ERBB4: variants seen among roughly 807,000 people sequenced by gnomAD.
ERBB4 encodes the protein erb-b2 receptor tyrosine kinase 4, also known as receptor tyrosine-protein kinase erbB-4.
A neutral mutation model predicts 158.0 loss-of-function variants in ERBB4; 42 were observed. The ratio of observed to expected loss-of-function variants is 0.27; its 90% CI spans 0.21 to 0.34. ERBB4 has a LOEUF of 0.34. Among genes scored for constraint, ERBB4 ranks in the 10% least tolerant of loss-of-function variants. The probability of loss-of-function intolerance (pLI) is 1.00; values close to 1 mark genes in which losing one functional copy is unlikely to be tolerated. For synonymous variants in ERBB4, 583 were observed against 558.7 expected, an observed-to-expected ratio of 1.04 and a Z score of -0.61; for missense variants, 1,333 against 1,624.1, an observed-to-expected ratio of 0.82 and a Z score of 3.08.
At chr2:212,159,746 AT>A (rs959089082) in intron 1 of ERBB4, among the ~76,000 whole-genome samples, 14 of 151,988 alleles carry the variant, frequency 9.2e-5, no homozygotes, top group African/African-American at 3.4e-4. Flanking sequence ...AATTAAAATC[AT>A]TTTACTAGTA....
At chr2:212,184,998 A>AT (rs2081974866) in intron 1 of ERBB4, among the ~76,000 whole-genome samples, 1 of 144,894 alleles carries the variant, frequency 6.9e-6, no homozygotes, top group African/African-American at 2.7e-5. Context: ...CATGTCCATT[A>AT]GATATCACAG....
In ERBB4 at chr2:212,446,591, G is replaced by GTATATATA. The variant is rs71057412; in HGVS notation, c.82+91850_82+91857dup. Among the ~76,000 whole-genome samples, 160 of 27,454 alleles carry GTATATATA rather than the reference G, an allele frequency of 5.8e-3. 13 individuals carry two copies. Among genetic ancestry groups the GTATATATA allele is most frequent in the Admixed American group, 7.2e-3 (12 of 1,672 alleles). The allele number at this position is 27,454 out of a possible 152,430, so 18.0% of individuals were successfully genotyped here. ...TTAATAAACTCCCATATATATATAT[G>GTATATATA]TATATATATATATATATATATATAT... On this transcript the variant is annotated intron_variant, in intron 1 of 27. Transcript: ENST00000342788.
intron 1 of ERBB4, among the ~76,000 whole-genome samples, chr2:212,173,561 A>C (rs1376999376): frequency 6.6e-6 from 1 of 152,174 alleles, no homozygotes; most frequent in Non-Finnish European, 1.5e-5. Context: ...TACCTGGTAT[A>C]TAACGATATC....
At chr2:211,878,089 C>T (rs970994688) in intron 3 of ERBB4, among the ~76,000 whole-genome samples, 1 of 152,220 alleles carries the variant, frequency 6.6e-6, no homozygotes, top group East Asian at 1.9e-4. Context: ...GCCTGAGGAA[C>T]AGAGCGAGAC....
chr2:211,436,473 T>A (rs2063857990), intron 20 of ERBB4, among the ~76,000 whole-genome samples: 1 of 152,186 alleles, frequency 6.6e-6, no homozygotes, highest in African/African-American at 2.4e-5. Flanking sequence ...CGTCTCTAAA[T>A]GGGCATAACA....
At chr2:212,299,792 T>C (rs979258574) in intron 1 of ERBB4, among the ~76,000 whole-genome samples, 1 of 151,682 alleles carries the variant, frequency 6.6e-6, no homozygotes, top group Admixed American at 6.6e-5. Context: ...GGTGAATCTT[T>C]ATAATAGTTT....
intron 1 of ERBB4, among the ~76,000 whole-genome samples, chr2:212,296,873 C>T (rs1574625134): frequency 6.6e-6 from 1 of 151,890 alleles, no homozygotes; most frequent in African/African-American, 2.4e-5. Flanking sequence ...TCTTTGCAAC[C>T]CTCAAAACTA....
chr2:211,611,900 CT>C (rs1441989900), intron 19 of ERBB4, among the ~76,000 whole-genome samples: 3 of 151,964 alleles, frequency 2.0e-5, no homozygotes, highest in African/African-American at 7.2e-5. Flanking sequence ...ACAGGTTCCC[CT>C]AATAGAAACT....
At chr2:211,500,669 G>A (rs1342542895) in intron 20 of ERBB4, among the ~76,000 whole-genome samples, 2 of 151,968 alleles carry the variant, frequency 1.3e-5, no homozygotes, top group South Asian at 2.1e-4. Flanking sequence ...AATAAGAAAA[G>A]ATCTTTTTTC....
At chr2:212,047,166 T>C (rs531975805) in intron 2 of ERBB4, among the ~76,000 whole-genome samples, 3 of 152,264 alleles carry the variant, frequency 2.0e-5, no homozygotes, top group South Asian at 2.1e-4. Context: ...AACTTTTAAG[T>C]TTTCTACCTC....
intron 19 of ERBB4, among the ~76,000 whole-genome samples, chr2:211,605,832 A>G (rs1331345289): frequency 6.6e-6 from 1 of 152,100 alleles, no homozygotes; most frequent in Non-Finnish European, 1.5e-5. Context: ...TTACTTATTA[A>G]TTTGCCTTTC....
chr2:211,547,761 T>C (rs1228982539), intron 20 of ERBB4, among the ~76,000 whole-genome samples: 1 of 145,600 alleles, frequency 6.9e-6, no homozygotes, highest in Non-Finnish European at 1.5e-5. Context: ...ACTTTTCTGT[T>C]AAAAAAAAAA....
intron 2 of ERBB4, among the ~76,000 whole-genome samples, chr2:212,035,311 GT>G (rs1273341273): frequency 1.3e-5 from 2 of 152,084 alleles, no homozygotes; most frequent in Non-Finnish European, 2.9e-5. Flanking sequence ...TTTTATTTGG[GT>G]TAATGTCAAA....
intron 1 of ERBB4, among the ~76,000 whole-genome samples, chr2:212,345,093 G>A (rs757860619): frequency 2.0e-5 from 3 of 151,424 alleles, no homozygotes; most frequent in Non-Finnish European, 2.9e-5. Flanking sequence ...GTGAAACCCC[G>A]TCTCTACTAA....
intron 16 of ERBB4, among the ~76,000 whole-genome samples, chr2:211,632,602 T>C (rs2070186250): frequency 1.3e-5 from 2 of 149,800 alleles, no homozygotes; most frequent in African/African-American, 5.0e-5. Context: ...GAAAACGCTC[T>C]ATTTTGTTTT....
intron 1 of ERBB4, among the ~76,000 whole-genome samples, chr2:212,181,891 C>T (rs17344880): frequency 0.44 from 66,817 of 151,338 alleles, 17,065 homozygotes; most frequent in East Asian, 0.76. Flanking sequence ...AAGAAAAACA[C>T]GGTTAAAATA....
In ERBB4 at chr2:212,019,993, C is replaced by A. The variant is rs186947707; in HGVS notation, c.235-72377G>T. Among the ~76,000 whole-genome samples, 10 of 152,022 alleles carry A rather than the reference C, an allele frequency of 6.6e-5. No individual in the cohort carries two copies. The East Asian group carries it at 1.2e-3, about 18-fold the overall frequency. On this transcript the variant is annotated intron_variant, in intron 2 of 27. Coordinates refer to ENST00000342788, the MANE Select transcript of ERBB4 (RefSeq NM_005235.3). ...TAAATTTTATAATTATAAGAAAAAA[C>A]ATCCTTACTCTGGAAAGTATAATTT... is the stretch of plus-strand genomic sequence containing the variant.
At chr2:212,193,043 G>A (rs1014697428) in intron 1 of ERBB4, among the ~76,000 whole-genome samples, 1 of 152,154 alleles carries the variant, frequency 6.6e-6, no homozygotes, top group Middle Eastern at 3.4e-3. Context: ...GAAAAATGTT[G>A]GAAATCTATT....
chr2:212,318,584 C>T (rs571837475), intron 1 of ERBB4, among the ~76,000 whole-genome samples: 6 of 151,456 alleles, frequency 4.0e-5, no homozygotes, highest in Non-Finnish European at 5.9e-5. Flanking sequence ...CTCCTTGTTG[C>T]AAATTTTATT....
Sources: allele counts gnomAD v4.1 joint callset (sites outside exome capture counted in the v4.1 genomes callset), GRCh38; gene constraint gnomAD v4.1.1; transcripts MANE v1.5; gene names NCBI Gene and HGNC (gene_info 2026-07-23, HGNC 2026-07-21).